KAZN: variants seen among roughly 807,000 people sequenced by gnomAD.
KAZN encodes the protein kazrin, periplakin interacting protein.
A neutral mutation model predicts 87.4 loss-of-function variants in KAZN; 40 were observed. That is an observed-to-expected ratio of 0.46 (90% confidence interval 0.36 to 0.60). The LOEUF (loss-of-function observed/expected upper bound fraction) is 0.60. Ranked by LOEUF, KAZN falls within the 20% of genes least tolerant of loss-of-function variation. KAZN has a pLI of 0.00. For missense variants in KAZN, 898 were observed against 1,073.9 expected (o/e 0.84, Z 2.29); for synonymous variants, 466 against 458.3 (o/e 1.02, Z -0.22).
chr1:15,092,052 G>GTTTTTTTTTTTTTTTTTTTTTTTT (rs1182724737), intron 8 of KAZN, among the ~76,000 whole-genome samples: 3 of 82,646 alleles, frequency 3.6e-5, no homozygotes, highest in African/African-American at 1.6e-4. Flanking sequence ...CAGAGGTTTT[G>GTTTTTTTTTTTTTTTTTTTTTTTT]TTTTTTTGTT....
chr1:14,135,040 C>G (rs1557503986), intron 1 of KAZN, among the ~76,000 whole-genome samples: 2 of 151,680 alleles, frequency 1.3e-5, no homozygotes, highest in African/African-American at 4.8e-5. Context: ...CACATTCACA[C>G]TTATTATTAC....
At chr1:14,002,496 T>C (rs901616102) in intron 1 of KAZN, among the ~76,000 whole-genome samples, 13 of 152,258 alleles carry the variant, frequency 8.5e-5, no homozygotes, top group Non-Finnish European at 1.8e-4. Context: ...AAGTGCCTTT[T>C]GCCTTCTGCC....
chr1:14,419,184 CAT>C (rs1491364356), intron 2 of KAZN, among the ~76,000 whole-genome samples: 1 of 152,216 alleles, frequency 6.6e-6, no homozygotes, highest in Non-Finnish European at 1.5e-5. Flanking sequence ...ATACCTTATA[CAT>C]AGTCTTTGCA....
chr1:14,506,864 G>A (rs1448201998), intron 2 of KAZN, among the ~76,000 whole-genome samples: 2 of 152,190 alleles, frequency 1.3e-5, no homozygotes, highest in Non-Finnish European at 2.9e-5. Flanking sequence ...GGTGGCTACC[G>A]ATTGGACTTG....
chr1:14,713,346 G>A (rs1481668275), intron 1 of KAZN, among the ~76,000 whole-genome samples: 1 of 152,188 alleles, frequency 6.6e-6, no homozygotes, highest in Non-Finnish European at 1.5e-5. Context: ...CTTTTGCAAT[G>A]CTCCTGGTAG....
intron 1 of KAZN, among the ~76,000 whole-genome samples, chr1:14,625,813 G>A (rs1572076713): frequency 6.6e-6 from 1 of 152,184 alleles, no homozygotes; most frequent in East Asian, 1.9e-4. Flanking sequence ...TTTGCTGTTT[G>A]CAATTTCCCC....
chr1:13,908,142 C>A (rs1054525755), intron 1 of KAZN, among the ~76,000 whole-genome samples: 6 of 152,192 alleles, frequency 3.9e-5, no homozygotes, highest in African/African-American at 1.4e-4. Flanking sequence ...AATTCCTGGA[C>A]TTTGTTTCAT....
At chr1:14,933,212 C>T (rs546233932) in intron 1 of KAZN, among the ~76,000 whole-genome samples, 30 of 152,312 alleles carry the variant, frequency 2.0e-4, no homozygotes, top group African/African-American at 7.0e-4. Flanking sequence ...CTGCCTCAGC[C>T]TCCCAAGTAG....
At chr1:14,271,065 G>A (rs1651885352) in intron 2 of KAZN, among the ~76,000 whole-genome samples, 1 of 152,202 alleles carries the variant, frequency 6.6e-6, no homozygotes, top group Admixed American at 6.5e-5. Context: ...GAGGCTGGAA[G>A]TCCAGCAGGG....
chr1:14,173,653 TCCCCTCCCCG>T (rs1399163169), intron 1 of KAZN, among the ~76,000 whole-genome samples: 1 of 146,612 alleles, frequency 6.8e-6, no homozygotes, highest in African/African-American at 2.6e-5. Context: ...GCTTTGTAGT[TCCCCTCCCCG>T]CCCCGCCCCG....
intron 1 of KAZN, among the ~76,000 whole-genome samples, chr1:14,001,894 A>G (rs1398267849): frequency 3.3e-5 from 5 of 152,240 alleles, no homozygotes; most frequent in Admixed American, 2.6e-4. Context: ...AAACCATAAA[A>G]TCCCTAAAAG....
At chr1:14,954,177 C>A (rs1465536268) in intron 1 of KAZN, among the ~76,000 whole-genome samples, 4 of 152,136 alleles carry the variant, frequency 2.6e-5, no homozygotes, top group African/African-American at 9.7e-5. Flanking sequence ...ACAGTTGGCT[C>A]CCTGGGGCAG....
intron 2 of KAZN, among the ~76,000 whole-genome samples, chr1:14,454,115 G>T (rs904434717): frequency 2.0e-5 from 3 of 152,206 alleles, no homozygotes; most frequent in Non-Finnish European, 4.4e-5. Flanking sequence ...CTTTACAGAA[G>T]TGAGAAATTT....
At chr1:13,928,247 G>A (rs1640361262) in intron 1 of KAZN, among the ~76,000 whole-genome samples, 1 of 152,082 alleles carries the variant, frequency 6.6e-6, no homozygotes, top group Admixed American at 6.5e-5. Flanking sequence ...AACTTGGGTG[G>A]AGATCCCGTT....
intron 2 of KAZN, among the ~76,000 whole-genome samples, chr1:14,472,705 C>G (rs1452140959): frequency 6.6e-6 from 1 of 151,118 alleles, no homozygotes; most frequent in Non-Finnish European, 1.5e-5. Context: ...AGACAGGAAT[C>G]ACAGCTTGAT....
intron 1 of KAZN, among the ~76,000 whole-genome samples, chr1:14,853,984 A>G (rs1307691196): frequency 6.6e-6 from 1 of 152,222 alleles, no homozygotes; most frequent in African/African-American, 2.4e-5. Flanking sequence ...TTTGAATCCC[A>G]GAGAAGCTGC....
At position 14,599,261 on chromosome 1, in the gene KAZN, G is replaced by A; in HGVS notation, c.226+38G>A. ...CGGCGCCCAGGGCGGAGGAAGGCGA[G>A]CAGAGCACGCCCGGCCTCGGAGGTG... On this transcript the variant is annotated intron_variant, in intron 1 of 14. Transcript: ENST00000376030. This position sits in a 1 kb window ranked among gnomAD's most constrained non-coding sequence, Gnocchi z 4.4. 7.5e-7 allele frequency: 1 copy of A among 1,330,768 alleles called. No individual in the cohort carries two copies. The highest frequency in any genetic ancestry group is 9.6e-7 in the Non-Finnish European group (1 of 1,045,282). The allele number at this position is 1,330,768 out of a possible 1,614,324, so 82.4% of individuals were successfully genotyped here. A position where few individuals can be genotyped will look rare whatever the true frequency, so the allele number is the denominator to read the frequency against.
At chr1:15,063,692 T>A in intron 7 of KAZN, 70 bp downstream of exon 7, 1 of 1,263,796 alleles carries the variant, frequency 7.9e-7, no homozygotes, top group South Asian at 1.2e-5. Flanking sequence ...CACCCTCTGT[T>A]CCCCTGAGCC....
rs183356021 is a variant in KAZN at position 15,053,530 on chromosome 1, G to A, written c.727-2561G>A. Among the ~76,000 whole-genome samples, 507 of 152,324 alleles carry A rather than the reference G, an allele frequency of 3.3e-3. 3 individuals carry two copies. The South Asian group carries it at 0.042, about 13-fold the overall frequency. ...GGATGTGCTGAGCCCCAGGCCGGGTGCTGGGGACTCTGGTGAGCAGACAGA... is the reference window on the plus strand; with the variant it reads ...GGATGTGCTGAGCCCCAGGCCGGGTACTGGGGACTCTGGTGAGCAGACAGA... On this transcript the variant is annotated intron_variant, in intron 4 of 14. Transcript: ENST00000376030.
Sources: gnomAD v4.1 joint callset for allele counts (sites outside exome capture counted in the v4.1 genomes callset) on GRCh38, gnomAD v4.1.1 for gene constraint, Gnocchi (gnomAD v3.1) non-coding constraint, MANE v1.5 for transcripts, NCBI Gene and HGNC (gene_info 2026-07-23, HGNC 2026-07-21) for gene names.